Variants in TPP2 observed in about 807,000 individuals in gnomAD.
TPP2 encodes tripeptidyl peptidase 2.
A neutral mutation model predicts 155.9 loss-of-function variants in TPP2; 34 were observed. The observed-to-expected ratio is 0.22, with a 90% confidence interval of 0.17 to 0.29. TPP2 has a LOEUF of 0.29. Ranked by LOEUF, TPP2 falls within the 10% of genes least tolerant of loss-of-function variation. The pLI is 1.00. For missense variants in TPP2, 1,028 were observed against 1,522.3 expected (o/e 0.68, Z 5.40); for synonymous variants, 510 against 529.4 (o/e 0.96, Z 0.50).
At chr13:102,606,849 G>GAACTGATTATCTGTGTCCCC (rs1879870657) in intron 2 of TPP2, among the ~76,000 whole-genome samples, 2 of 152,150 alleles carry the variant, frequency 1.3e-5, no homozygotes, top group Non-Finnish European at 2.9e-5. Context: ...TGTGTGTTAG[G>GAACTGATTATCTGTGTCCCC]AACTGATTAT....
chr13:102,623,379 C>T (rs1353254029), intron 6 of TPP2, among the ~76,000 whole-genome samples: 2 of 152,146 alleles, frequency 1.3e-5, no homozygotes, highest in African/African-American at 4.8e-5. Flanking sequence ...GCCTGACCAA[C>T]ATGGAGAAAC....
At chr13:102,651,471 A>G in intron 24 of TPP2, 74 bp downstream of exon 24, 10 of 1,475,098 alleles carry the variant, frequency 6.8e-6, no homozygotes, top group Middle Eastern at 2.1e-4. Context: ...TGTCACTATT[A>G]TAAACCTTTT....
chr13:102,666,464 CTG>C (rs1433886536), intron 27 of TPP2, among the ~76,000 whole-genome samples: 1 of 152,198 alleles, frequency 6.6e-6, no homozygotes, highest in East Asian at 1.9e-4. Context: ...CACTTTAAAA[CTG>C]TCTTCCACAG....
At chr13:102,638,180 C>T (rs1882512137) in intron 14 of TPP2, 59 bp from the exon 15 acceptor site, 1 of 1,493,996 alleles carries the variant, frequency 6.7e-7, no homozygotes, top group Admixed American at 1.7e-5. Context: ...TTTAGACCTT[C>T]CCCCGCTCTT....
rs541107288 is a variant in TPP2, at chr13:102,658,800, C to T, written c.3143+1593C>T. Among the ~76,000 whole-genome samples the T allele has an allele frequency of 2.6e-5, 4 of 152,282 alleles. No individual in the cohort carries two copies. The East Asian group carries it at 5.8e-4, about 22-fold the overall frequency. On this transcript the variant is annotated intron_variant, in intron 25 of 29. Transcript: ENST00000376052. ...TTTCCTCCTTGGAGGAGGAGGACGT[C>T]ATCATTTCTCATCCTGACCTACTGC...
Position 102,611,377 on chromosome 13 carries a change from A to G in TPP2, c.295-2724A>G, listed in dbSNP as rs57720603. ...GACATCTTCTTGACCAAGTGTCTGT[A>G]TTAAAGGACATTTCCAGGCCGGGCA... On this transcript the variant is annotated intron_variant, in intron 2 of 29. Transcript: ENST00000376052. Among the ~76,000 whole-genome samples the G allele has an allele frequency of 8.3e-3, 1,260 of 152,262 alleles. 17 individuals are homozygous for G. Among genetic ancestry groups the G allele is most frequent in the African/African-American group, 0.029 (1,188 of 41,552 alleles).
At chr13:102,662,401 G>T (rs1884291607) in intron 25 of TPP2, among the ~76,000 whole-genome samples, 1 of 152,128 alleles carries the variant, frequency 6.6e-6, no homozygotes, top group Non-Finnish European at 1.5e-5. Flanking sequence ...TGGGAAAATT[G>T]TATGGAGAAA....
intron 28 of TPP2, among the ~76,000 whole-genome samples, chr13:102,674,982 G>T (rs758686528): frequency 5.9e-5 from 9 of 152,270 alleles, no homozygotes; most frequent in Non-Finnish European, 1.2e-4. Flanking sequence ...CATCGTTGAT[G>T]AACTTTTTTG....
intron 11 of TPP2, among the ~76,000 whole-genome samples, chr13:102,635,347 C>G (rs1882297137): frequency 6.6e-6 from 1 of 152,166 alleles, no homozygotes. Flanking sequence ...AAAGCCCACA[C>G]CAGTCTCTCT....
chr13:102,607,545 C>T (rs945915032), intron 2 of TPP2: 2 of 264,778 alleles, frequency 7.6e-6, no homozygotes, highest in Non-Finnish European at 1.6e-5. Context: ...CCTAGTAAGT[C>T]TTGCAGGCTT....
At chr13:102,646,461 A>T in intron 20 of TPP2, 71 bp downstream of exon 20, 11 of 1,193,410 alleles carry the variant, frequency 9.2e-6, no homozygotes, top group Non-Finnish European at 1.2e-5. Flanking sequence ...CATAGAATCA[A>T]AAATGGAAGG....
intron 17 of TPP2, 64 bp downstream of exon 17, chr13:102,643,440 C>CT: frequency 7.4e-7 from 1 of 1,349,392 alleles, no homozygotes; most frequent in Non-Finnish European, 9.7e-7. Flanking sequence ...TGGGCTAAGA[C>CT]TAAGTATTTG....
intron 25 of TPP2, among the ~76,000 whole-genome samples, chr13:102,658,565 CT>C (rs1177827634): frequency 6.6e-6 from 1 of 152,200 alleles, no homozygotes; most frequent in Non-Finnish European, 1.5e-5. Context: ...AACAAAACAA[CT>C]TTTTAAAGCC....
rs530734755 is a variant in TPP2, at chr13:102,616,970, G to C, written c.495+470G>C. On this transcript the variant is annotated intron_variant, in intron 4 of 29. Coordinates refer to ENST00000376052, the MANE Select transcript of TPP2 (RefSeq NM_001330588.2). ...CTCTGTTCCAGGCTGGAGTGCAGTG[G>C]TGTGATCTCGGCTCATTGCAACCTC... Among the ~76,000 whole-genome samples the C allele has an allele frequency of 1.6e-3, 250 of 151,800 alleles. 1 individual carries two copies. The highest frequency in any genetic ancestry group is 2.7e-3 in the Non-Finnish European group (181 of 67,906).
intron 25 of TPP2, among the ~76,000 whole-genome samples, chr13:102,663,117 G>GATTTATTT (rs932912491): frequency 2.8e-4 from 26 of 92,454 alleles, no homozygotes; most frequent in African/African-American, 7.0e-4. Context: ...TTTTCAGTTT[G>GATTTATTT]ATTTATTTAT....
chr13:102,630,293 TGTTG>T (rs72452045), intron 10 of TPP2, 98 bp downstream of exon 10: 50,961 of 858,354 alleles, frequency 0.059, 2,572 homozygotes, highest in African/African-American at 0.2. Flanking sequence ...AGTTTTTTTC[TGTTG>T]GTTTTTACTT....
At chr13:102,610,414 G>T (rs1159425591) in intron 2 of TPP2, among the ~76,000 whole-genome samples, 1 of 152,052 alleles carries the variant, frequency 6.6e-6, no homozygotes, top group East Asian at 1.9e-4. Flanking sequence ...ATTTTTAGTA[G>T]AGACTGGGTT....
intron 1 of TPP2, among the ~76,000 whole-genome samples, chr13:102,602,531 T>A (rs117032717): frequency 9.8e-5 from 15 of 152,322 alleles, no homozygotes; most frequent in Non-Finnish European, 1.8e-4. Flanking sequence ...CCCCTTCAGC[T>A]ATCAGGCCCT....
chr13:102,627,033 C>T lies in TPP2; in HGVS notation c.806C>T (p.Ala269Val). ...CTAGGAGCTCATGGGACACATGTAG[C>T]TAGTATAGCTGCTGGACACTTTCCA... The part of the protein sequence containing the change: ...TSGGAHGTHV[A>V]SIAAGHFPEE... Residue 269 changes from alanine to valine, a missense_variant, in exon 7 of 30, where the codon GCT becomes GTT. Physicochemically the swap from Ala to Val is moderately conservative, Grantham distance 64 (BLOSUM62 0). Around this residue, in one of 7 missense-constraint regions of TPP2, gnomAD observed 300 missense variants for 398.3 expected, o/e 0.75. Coordinates refer to ENST00000376052, the MANE Select transcript of TPP2 (RefSeq NM_001330588.2). The T allele has an allele frequency of 6.3e-7, 1 of 1,597,716 alleles. No individual in the cohort carries two copies. The highest frequency in any genetic ancestry group is 8.5e-7 in the Non-Finnish European group (1 of 1,172,702).
Sources: gnomAD v4.1 joint callset for allele counts (sites outside exome capture counted in the v4.1 genomes callset) on GRCh38, gnomAD v4.1.1 for gene constraint, gnomAD v4.1.1 regional missense constraint, MANE v1.5 for transcripts, NCBI Gene and HGNC (gene_info 2026-07-23, HGNC 2026-07-21) for gene names.